Variants in CAMK2B observed in about 807,000 individuals in gnomAD.
CAMK2B encodes calcium/calmodulin-dependent protein kinase type II subunit beta.
A neutral mutation model predicts 93.7 loss-of-function variants in CAMK2B; 27 were observed. The observed-to-expected ratio is 0.29, with a 90% CI of 0.21 to 0.40. The LOEUF is 0.40. Among genes scored for constraint, CAMK2B ranks in the 10% least tolerant of loss-of-function variants. The probability of loss-of-function intolerance (pLI) is 1.00; values close to 1 mark genes in which losing one functional copy is unlikely to be tolerated. For synonymous variants in CAMK2B, 374 were observed against 358.8 expected (o/e 1.04, Z -0.48); for missense variants, 568 against 895.8 (o/e 0.63, Z 4.67).
intron 1 of CAMK2B, among the ~76,000 whole-genome samples, chr7:44,299,074 C>A (rs1789151162): frequency 6.6e-6 from 1 of 152,088 alleles, no homozygotes; most frequent in South Asian, 2.1e-4. Context: ...AGCAGGGACT[C>A]AAACAGATAC....
Position 44,301,515 on chromosome 7 carries a change from G to A in CAMK2B, c.66-17290C>T, listed in dbSNP as rs540184790. ...GAAGAGGCCGGGCACAGTGGCTCAC[G>A]CCTGTAATACCAGCACTTTGGGAGG... On this transcript the variant is annotated intron_variant, in intron 1 of 23. Coordinates refer to ENST00000395749, the MANE Select transcript of CAMK2B (RefSeq NM_001220.5). Among the ~76,000 whole-genome samples the A allele has an allele frequency of 5.9e-5, 9 of 152,290 alleles. No individual in the cohort carries two copies. The East Asian group carries it at 1.2e-3, about 20-fold the overall frequency.
intron 2 of CAMK2B, among the ~76,000 whole-genome samples, chr7:44,269,012 C>T (rs376141487): frequency 3.3e-5 from 5 of 152,186 alleles, no homozygotes; most frequent in Admixed American, 6.5e-5. Context: ...CCTCCTGCCA[C>T]GCCACCCTCA....
At chr7:44,220,021 C>T (rs1423222633) in intron 23 of CAMK2B, 39 bp downstream of exon 23, 1 of 1,483,858 alleles carries the variant, frequency 6.7e-7, no homozygotes, top group South Asian at 1.3e-5. Context: ...ACCACCGCCA[C>T]CCCTCTGCCC....
In CAMK2B at chr7:44,221,724, C is replaced by T. The variant is rs561528532; in HGVS notation, c.1598-823G>A. 2.6e-4 allele frequency among the ~76,000 whole-genome samples: 40 copies of T among 152,312 alleles called. 1 individual carries two copies. Among genetic ancestry groups the T allele is most frequent in the African/African-American group, 9.6e-4 (40 of 41,580 alleles). On this transcript the variant is annotated intron_variant, in intron 20 of 23. Coordinates refer to ENST00000395749, the MANE Select transcript of CAMK2B (RefSeq NM_001220.5). Reference sequence around the variant, plus strand: ...GCCTGCCTGCAGCTCCTGCCCGCCCCCCTTGGATTCCAACAGGCCACCCAG... The same window carrying T: ...GCCTGCCTGCAGCTCCTGCCCGCCCTCCTTGGATTCCAACAGGCCACCCAG...
At chr7:44,229,600 G>T in intron 17 of CAMK2B, 99 bp from the exon 18 acceptor site, 1 of 444,286 alleles carries the variant, frequency 2.3e-6, no homozygotes, top group East Asian at 4.3e-5. Flanking sequence ...GAGGGAGGGG[G>T]TGACAGCTGG....
intron 14 of CAMK2B, 64 bp from the exon 15 acceptor site, chr7:44,234,525 C>G: frequency 6.3e-7 from 1 of 1,584,196 alleles, no homozygotes; most frequent in Non-Finnish European, 8.6e-7. Context: ...TTCCCTGTCC[C>G]GTGTCTCTCA....
intron 16 of CAMK2B, among the ~76,000 whole-genome samples, chr7:44,232,053 C>T (rs2096584660): frequency 6.6e-6 from 1 of 152,240 alleles, no homozygotes. Context: ...CCCCAGCTGC[C>T]AGATGGGAAG....
chr7:44,293,051 T>A (rs924122004), intron 1 of CAMK2B, among the ~76,000 whole-genome samples: 21 of 151,012 alleles, frequency 1.4e-4, no homozygotes, highest in Admixed American at 1.3e-3. Context: ...CAGAGTGGTG[T>A]GGCTGCCCCC....
rs549078407 is a variant in CAMK2B, at chr7:44,271,653, G to C, written c.161-8589C>G. On this transcript the variant is annotated intron_variant, in intron 2 of 23. Coordinates refer to ENST00000395749, the MANE Select transcript of CAMK2B (RefSeq NM_001220.5). This position sits in a 1 kb window ranked among gnomAD's most constrained non-coding sequence, Gnocchi z 4.2. ...TATTTGAGACCAGATTGGGCAGCTG[G>C]GTGGGGACGAAGGAGTGGCTTCCAG... Among the ~76,000 whole-genome samples the C allele has an allele frequency of 6.9e-4, 105 of 152,334 alleles. No individual in the cohort carries two copies. Among genetic ancestry groups the C allele is most frequent in the Middle Eastern group, 3.4e-3 (1 of 294 alleles).
chr7:44,222,406 A>AC (rs1259270866), intron 20 of CAMK2B, among the ~76,000 whole-genome samples: 1 of 150,616 alleles, frequency 6.6e-6, no homozygotes, highest in East Asian at 1.9e-4. Flanking sequence ...CATACATGCA[A>AC]CCTGTCTGTG....
intron 1 of CAMK2B, among the ~76,000 whole-genome samples, chr7:44,293,014 G>A (rs974792309): frequency 5.3e-5 from 8 of 152,172 alleles, no homozygotes; most frequent in African/African-American, 1.4e-4. Context: ...ACCCAGCAGA[G>A]CACCCTCTGC....
At chr7:44,297,905 C>T (rs1191158430) in intron 1 of CAMK2B, among the ~76,000 whole-genome samples, 1 of 152,216 alleles carries the variant, frequency 6.6e-6, no homozygotes, top group Non-Finnish European at 1.5e-5. Flanking sequence ...GGGTGGGTCA[C>T]TTGAGGTCAG....
intron 1 of CAMK2B, among the ~76,000 whole-genome samples, chr7:44,289,906 C>G (rs1786279579): frequency 6.6e-6 from 1 of 152,236 alleles, no homozygotes; most frequent in African/African-American, 2.4e-5. Flanking sequence ...CAGCTTCTCT[C>G]CCTGTTCCTC....
At chr7:44,292,403 A>C (rs1787110384) in intron 1 of CAMK2B, among the ~76,000 whole-genome samples, 1 of 152,222 alleles carries the variant, frequency 6.6e-6, no homozygotes, top group Admixed American at 6.5e-5. Flanking sequence ...AGTTCAGCCC[A>C]GGATGTATGC....
Position 44,231,021 on chromosome 7 carries a change from C to A in CAMK2B, c.1210G>T (p.Asp404Tyr). The A allele has an allele frequency of 6.4e-7, 1 of 1,555,068 alleles. No individual in the cohort carries two copies. Among genetic ancestry groups the A allele is most frequent in the Non-Finnish European group, 8.7e-7 (1 of 1,149,100 alleles). The change falls in exon 17 of 24, where the codon GAT becomes TAT. Residue 404 changes from aspartate (D) to tyrosine (Y), a missense_variant. Around this residue, in one of 4 missense-constraint regions of CAMK2B, gnomAD observed 308 missense variants for 292.1 expected, o/e 1.05. Coordinates refer to ENST00000395749, the MANE Select transcript of CAMK2B (RefSeq NM_001220.5). ...SSDSANTTIEDEDAKAPRVPD... is the reference protein window; with the variant it reads ...SSDSANTTIEYEDAKAPRVPD... Reference sequence around the variant, plus strand: ...GTGCAGGTACCTTTAGCGTCTTCATCCTCTATGGTGGTATTGGCACTGTCA... The same window carrying A: ...GTGCAGGTACCTTTAGCGTCTTCATACTCTATGGTGGTATTGGCACTGTCA...
chr7:44,316,358 T>C lies in CAMK2B; in HGVS notation c.65+8999A>G, dbSNP rs139626495. ...TTTTGTATGCTGAATGAACCTTTCA[T>C]TCTTGGGATACATCCTACTTGTTCA... is the stretch of plus-strand genomic sequence containing the variant. On this transcript the variant is annotated intron_variant, in intron 1 of 23. Coordinates refer to ENST00000395749, the MANE Select transcript of CAMK2B (RefSeq NM_001220.5). 3.8e-3 allele frequency among the ~76,000 whole-genome samples: 579 copies of C among 152,352 alleles called. 5 individuals carry two copies. Among genetic ancestry groups the C allele is most frequent in the African/African-American group, 0.013 (557 of 41,590 alleles).
At chr7:44,287,229 G>A (rs1286245249) in intron 1 of CAMK2B, among the ~76,000 whole-genome samples, 1 of 145,682 alleles carries the variant, frequency 6.9e-6, no homozygotes, top group Non-Finnish European at 1.6e-5. Flanking sequence ...AACCTTCTCT[G>A]AGTCCCAATG....
At chr7:44,221,503 G>A (rs925217277) in intron 20 of CAMK2B, among the ~76,000 whole-genome samples, 1 of 152,318 alleles carries the variant, frequency 6.6e-6, no homozygotes, top group East Asian at 1.9e-4. Context: ...CACGTGCGGC[G>A]CAGGCTGCAG....
At chr7:44,222,008 G>C (rs1006831034) in intron 20 of CAMK2B, among the ~76,000 whole-genome samples, 2 of 152,318 alleles carry the variant, frequency 1.3e-5, no homozygotes, top group East Asian at 1.9e-4. Context: ...TCCTCAGGCA[G>C]AACTACTGTC....
Sources: allele counts gnomAD v4.1 joint callset (sites outside exome capture counted in the v4.1 genomes callset), GRCh38; gene constraint gnomAD v4.1.1; regional missense constraint gnomAD v4.1.1; non-coding constraint Gnocchi (gnomAD v3.1); transcripts MANE v1.5; gene names NCBI Gene and HGNC (gene_info 2026-07-23, HGNC 2026-07-21).